KIF26B: variants seen among roughly 807,000 people sequenced by gnomAD.
KIF26B encodes the protein kinesin-like protein KIF26B.
In KIF26B, 63 loss-of-function variants were observed where a neutral mutation model predicts 151.2. The ratio of observed to expected loss-of-function variants is 0.42; its 90% CI spans 0.34 to 0.51. KIF26B has a LOEUF of 0.51. KIF26B is among the 20% of genes least tolerant of loss of function. The pLI is 0.07. For missense variants in KIF26B, 2,813 were observed against 2,913.6 expected, an observed-to-expected ratio of 0.97 and a Z score of 0.79; for synonymous variants, 1,357 against 1,262.1, an observed-to-expected ratio of 1.08 and a Z score of -1.59.
intron 2 of KIF26B, among the ~76,000 whole-genome samples, chr1:245,338,800 A>G: frequency 6.6e-6 from 1 of 152,126 alleles, no homozygotes; most frequent in East Asian, 1.9e-4. Flanking sequence ...CATCCCCAAA[A>G]TAGCTCCTTG....
intron 4 of KIF26B, among the ~76,000 whole-genome samples, chr1:245,449,784 G>A (rs577198135): frequency 4.6e-5 from 7 of 152,290 alleles, no homozygotes; most frequent in Admixed American, 1.3e-4. Context: ...CTTCACTGCT[G>A]GAGAGGAACA....
At chr1:245,480,275 G>A (rs568491605) in intron 4 of KIF26B, among the ~76,000 whole-genome samples, 13 of 106,256 alleles carry the variant, frequency 1.2e-4, no homozygotes, top group African/African-American at 4.1e-4. Flanking sequence ...ACCCTGTCTC[G>A]GGGGGGAGGA....
In KIF26B at chr1:245,303,328, A is replaced by G. The variant is rs530180530; in HGVS notation, c.466-63506A>G. On this transcript the variant is annotated intron_variant, in intron 2 of 14. Coordinates refer to ENST00000407071, the MANE Select transcript of KIF26B (RefSeq NM_018012.4). ...ATTCTCCTGCCTCAGCCTCCCGAGT[A>G]GCTGGGACTACAGGTGCCCGCCACC... 1.0e-3 allele frequency among the ~76,000 whole-genome samples: 157 copies of G among 150,116 alleles called. No individual in the cohort carries two copies. The Middle Eastern group carries it at 0.014, about 13-fold the overall frequency.
chr1:245,235,531 T>G lies in KIF26B; in HGVS notation c.465+78848T>G, dbSNP rs531914413. ...TCGCTTGAGCCTAAGAGTTTGAGGT[T>G]GCAATGAGCTATGATCACGCCACTG... On this transcript the variant is annotated intron_variant, in intron 2 of 14. Transcript: ENST00000407071. Among the ~76,000 whole-genome samples the G allele has an allele frequency of 3.3e-5, 5 of 152,050 alleles. No individual in the cohort carries two copies. The East Asian group carries it at 9.7e-4, about 29-fold the overall frequency.
Position 245,548,745 on chromosome 1 carries a change from C to CTTTTT in KIF26B, c.1350+7805_1350+7809dup, listed in dbSNP as rs34079894. Among the ~76,000 whole-genome samples the CTTTTT allele has an allele frequency of 4.0e-3, 571 of 143,778 alleles. 4 individuals are homozygous for CTTTTT. The highest frequency in any genetic ancestry group is 0.012 in the African/African-American group (484 of 39,074). 94.3% of individuals were successfully genotyped at this position (143,778 alleles called of 152,430 possible). A position where few individuals can be genotyped will look rare whatever the true frequency, so the allele number is the denominator to read the frequency against. ...GTAATCTTTTCCTCCCATTTTGCAA[C>CTTTTT]TTTTTTTTTTTTTTAAAAACAGGGT... is the stretch of plus-strand genomic sequence containing the variant. On this transcript the variant is annotated intron_variant, in intron 5 of 14. Transcript: ENST00000407071.
chr1:245,167,356 A>G lies in KIF26B; in HGVS notation c.465+10673A>G, dbSNP rs1476273294. On this transcript the variant is annotated intron_variant, in intron 2 of 14. Coordinates refer to ENST00000407071, the MANE Select transcript of KIF26B (RefSeq NM_018012.4). This position sits in a 1 kb window ranked among gnomAD's most constrained non-coding sequence, Gnocchi z 4.2. Reference sequence around the variant, plus strand: ...TTTTTCTGAGCTAACCTAGGAACCGATAGAACTTGAGATTTTTCTGCAGTG... The same window carrying G: ...TTTTTCTGAGCTAACCTAGGAACCGGTAGAACTTGAGATTTTTCTGCAGTG... Among the ~76,000 whole-genome samples, 2 of 152,146 alleles carry G rather than the reference A, an allele frequency of 1.3e-5. No homozygotes were observed. Among genetic ancestry groups the G allele is most frequent in the African/African-American group, 4.8e-5 (2 of 41,432 alleles).
At chr1:245,184,050 GTTTT>G (rs758993117) in intron 2 of KIF26B, among the ~76,000 whole-genome samples, 5 of 19,804 alleles carry the variant, frequency 2.5e-4, no homozygotes, top group Non-Finnish European at 4.0e-4. Flanking sequence ...GGGAGTTGTT[GTTTT>G]TTTTTTTTTT....
intron 4 of KIF26B, among the ~76,000 whole-genome samples, chr1:245,470,136 G>A (rs891817973): frequency 2.6e-5 from 4 of 152,146 alleles, no homozygotes; most frequent in African/African-American, 9.7e-5. Flanking sequence ...GCTAGAGGAC[G>A]TGTTGGGAAG....
At chr1:245,598,762 A>G (rs1433387080) in intron 5 of KIF26B, among the ~76,000 whole-genome samples, 1 of 152,176 alleles carries the variant, frequency 6.6e-6, no homozygotes, top group Non-Finnish European at 1.5e-5. Context: ...CATAAAGACA[A>G]CTGCTGTCCA....
intron 2 of KIF26B, among the ~76,000 whole-genome samples, chr1:245,198,329 C>T (rs2103536391): frequency 6.6e-6 from 1 of 152,314 alleles, no homozygotes; most frequent in South Asian, 2.1e-4. Context: ...ATTTCCTCAT[C>T]TGTAAAATGG....
At chr1:245,438,262 A>G (rs1251332272) in intron 4 of KIF26B, among the ~76,000 whole-genome samples, 1 of 152,176 alleles carries the variant, frequency 6.6e-6, no homozygotes, top group South Asian at 2.1e-4. Flanking sequence ...CACCTGGGCC[A>G]TATAGCTGCT....
chr1:245,647,642 C>T (rs2043966794), intron 10 of KIF26B, among the ~76,000 whole-genome samples: 1 of 152,042 alleles, frequency 6.6e-6, no homozygotes, highest in Non-Finnish European at 1.5e-5. Flanking sequence ...CCCTACAAAA[C>T]CTACGTTGCT....
At chr1:245,273,372 A>G (rs1670884244) in intron 2 of KIF26B, among the ~76,000 whole-genome samples, 1 of 149,162 alleles carries the variant, frequency 6.7e-6, no homozygotes, top group South Asian at 2.2e-4. Flanking sequence ...GAGCCGAGAT[A>G]GTGCCATGGC....
intron 2 of KIF26B, among the ~76,000 whole-genome samples, chr1:245,210,631 G>C (rs1669500945): frequency 6.7e-6 from 1 of 149,284 alleles, no homozygotes; most frequent in Non-Finnish European, 1.5e-5. Context: ...GCAAATAAAA[G>C]AATTGAAGCT....
intron 9 of KIF26B, among the ~76,000 whole-genome samples, chr1:245,642,384 C>A (rs1200442336): frequency 1.3e-5 from 2 of 151,886 alleles, no homozygotes; most frequent in East Asian, 3.9e-4. Context: ...GGAGCTAAAG[C>A]CAAGACTGGG....
chr1:245,379,835 G>A (rs1388344285), intron 3 of KIF26B, among the ~76,000 whole-genome samples: 5 of 152,028 alleles, frequency 3.3e-5, no homozygotes, highest in African/African-American at 1.2e-4. Context: ...GCCAGGCATG[G>A]TGGCATGTGC....
chr1:245,470,336 AG>A (rs1182994245), intron 4 of KIF26B, among the ~76,000 whole-genome samples: 3 of 152,202 alleles, frequency 2.0e-5, no homozygotes, highest in African/African-American at 7.2e-5. Context: ...ATGAAAAGAA[AG>A]CAGTGGATTC....
intron 4 of KIF26B, among the ~76,000 whole-genome samples, chr1:245,444,785 G>A (rs529304490): frequency 2.0e-5 from 3 of 152,186 alleles, no homozygotes; most frequent in African/African-American, 4.8e-5. Flanking sequence ...GGAAAATGAC[G>A]TGAGGGGTTG....
intron 2 of KIF26B, among the ~76,000 whole-genome samples, chr1:245,184,050 G>GTTTTGTTTTTTTT (rs1553332273): frequency 4.5e-4 from 9 of 19,804 alleles, no homozygotes; most frequent in Admixed American, 1.0e-3. Flanking sequence ...GGGAGTTGTT[G>GTTTTGTTTTTTTT]TTTTTTTTTT....
Sources: allele counts gnomAD v4.1 joint callset (sites outside exome capture counted in the v4.1 genomes callset), GRCh38; gene constraint gnomAD v4.1.1; non-coding constraint Gnocchi (gnomAD v3.1); transcripts MANE v1.5; gene names NCBI Gene and HGNC (gene_info 2026-07-23, HGNC 2026-07-21).